The following DNAJC16 variants were observed in gnomAD, a reference collection of about 807,000 sequenced individuals.
DNAJC16 encodes the protein DnaJ heat shock protein family (Hsp40) member C16.
A neutral mutation model predicts 92.7 loss-of-function variants in DNAJC16; 76 were observed. The ratio of observed to expected loss-of-function variants is 0.82; its 90% confidence interval spans 0.68 to 0.99. DNAJC16 has a LOEUF of 0.99. Ranked by LOEUF, DNAJC16 falls within the 50% of genes least tolerant of loss-of-function variation. The pLI is 0.00. For synonymous variants in DNAJC16, 328 were observed against 358.7 expected (o/e 0.91, Z 0.97); for missense variants, 869 against 942.4 (o/e 0.92, Z 1.02).
intron 2 of DNAJC16, among the ~76,000 whole-genome samples, chr1:15,530,735 T>C (rs1710636206): frequency 6.6e-6 from 1 of 152,226 alleles, no homozygotes; most frequent in Non-Finnish European, 1.5e-5. Context: ...TCACGCAGGC[T>C]GGAATGCAGT....
chr1:15,555,029 A>G (rs554933146), intron 7 of DNAJC16, among the ~76,000 whole-genome samples: 6 of 141,722 alleles, frequency 4.2e-5, no homozygotes, highest in African/African-American at 1.6e-4. Context: ...ATCCTATTAA[A>G]AAGCTTTTTT....
At chr1:15,549,969 T>C (rs1638405828) in intron 7 of DNAJC16, among the ~76,000 whole-genome samples, 1 of 152,178 alleles carries the variant, frequency 6.6e-6, no homozygotes, top group South Asian at 2.1e-4. Context: ...TAGGTATGTG[T>C]ATAGGAAAAA....
Position 15,550,672 on chromosome 1 carries a change from T to C in DNAJC16, c.1023+2244T>C, listed in dbSNP as rs139225010. Among the ~76,000 whole-genome samples, 148 of 152,326 alleles carry C rather than the reference T, an allele frequency of 9.7e-4. 1 individual carries two copies. Among genetic ancestry groups the C allele is most frequent in the African/African-American group, 3.4e-3 (142 of 41,578 alleles). On this transcript the variant is annotated intron_variant, in intron 7 of 14. Coordinates refer to ENST00000375847, the MANE Select transcript of DNAJC16 (RefSeq NM_015291.4). ...CTCAAAGATCCTTCAAGAGAAAGTC[T>C]GTGAGATCATATCAAGACACGATTT...
At chr1:15,566,738 G>C (rs918643684) in intron 13 of DNAJC16, 1 of 178,666 alleles carries the variant, frequency 5.6e-6, no homozygotes. Flanking sequence ...TATAAAATTA[G>C]CTGGATGTGG....
chr1:15,549,385 TCC>T (rs2103415893), intron 7 of DNAJC16, among the ~76,000 whole-genome samples: 1 of 152,290 alleles, frequency 6.6e-6, no homozygotes, highest in East Asian at 1.9e-4. Context: ...GTGGTTGAAG[TCC>T]TGAGTAGGGT....
intron 4 of DNAJC16, 104 bp from the exon 5 acceptor site, chr1:15,544,295 T>C (rs769497547): frequency 5.5e-4 from 629 of 1,145,284 alleles, no homozygotes; most frequent in Non-Finnish European, 7.0e-4. Context: ...AGACATCTCC[T>C]ATGAGGTCGG....
chr1:15,546,592 A>G (rs1018955570), intron 5 of DNAJC16, among the ~76,000 whole-genome samples, 175 bp from the exon 6 acceptor site: 2 of 152,236 alleles, frequency 1.3e-5, no homozygotes, highest in Non-Finnish European at 2.9e-5. Flanking sequence ...TATGAAATCA[A>G]TATCACCATT....
intron 5 of DNAJC16, among the ~76,000 whole-genome samples, chr1:15,545,919 A>G (rs1638291863): frequency 6.6e-6 from 1 of 152,246 alleles, no homozygotes. Flanking sequence ...TTAAGATATC[A>G]GTGGAGGAAA....
rs534766733 is a variant in DNAJC16, at chr1:15,568,709, T to G, written c.*532T>G. 36 of 398,986 alleles carry G rather than the reference T, an allele frequency of 9.0e-5. No homozygotes were observed. The highest frequency in any genetic ancestry group is 1.4e-4 in the Non-Finnish European group (31 of 226,446). 24.7% of individuals were successfully genotyped at this position (398,986 alleles called of 1,614,324 possible). On this transcript the variant is annotated 3_prime_UTR_variant, in exon 15 of 15. Transcript: ENST00000375847. ...TCCAAGCAATCTCACGTTTACTGGTTGTTCTGGGAGTAAGTGGCTAAATGT... is the reference window on the plus strand; with the variant it reads ...TCCAAGCAATCTCACGTTTACTGGTGGTTCTGGGAGTAAGTGGCTAAATGT...
At chr1:15,543,908 G>C (rs1036961089) in intron 4 of DNAJC16, among the ~76,000 whole-genome samples, 2 of 152,146 alleles carry the variant, frequency 1.3e-5, no homozygotes, top group African/African-American at 4.8e-5. Flanking sequence ...TGGCAAAGAC[G>C]TGGGTAGGAC....
rs1229319249 is a variant in DNAJC16 at position 15,570,104 on chromosome 1, C to T, written c.*1927C>T. 1 of 152,616 alleles carries T rather than the reference C, an allele frequency of 6.6e-6. No individual in the cohort carries two copies. The highest frequency in any genetic ancestry group is 1.5e-5 in the Non-Finnish European group (1 of 68,036). 9.5% of individuals were successfully genotyped at this position (152,616 alleles called of 1,614,324 possible). ...TGTAGCTTTATTAAAAAATAAATCA[C>T]TGCCAGGCTTCATTCTTCCATATGA... On this transcript the variant is annotated 3_prime_UTR_variant, in exon 15 of 15. Coordinates refer to ENST00000375847, the MANE Select transcript of DNAJC16 (RefSeq NM_015291.4).
At chr1:15,563,883 C>A in intron 9 of DNAJC16, 46 bp from the exon 10 acceptor site, 1 of 1,516,008 alleles carries the variant, frequency 6.6e-7, no homozygotes, top group Non-Finnish European at 9.0e-7. Context: ...TGTAACTTAA[C>A]CATGCTTTTG....
intron 2 of DNAJC16, among the ~76,000 whole-genome samples, chr1:15,533,885 G>T (rs1710718761): frequency 6.6e-6 from 1 of 152,188 alleles, no homozygotes; most frequent in African/African-American, 2.4e-5. Context: ...CCTAGGAGAA[G>T]ACATGGGTTC....
rs150099658 is a variant in DNAJC16 at position 15,567,933 on chromosome 1, A to G, written c.2105A>G (p.Asn702Ser). 2.6e-5 allele frequency: 42 copies of G among 1,614,112 alleles called. No individual in the cohort carries two copies. The highest frequency in any genetic ancestry group is 3.6e-5 in the Non-Finnish European group (42 of 1,180,042). The change falls in exon 15 of 15, where the codon AAT becomes AGT. Residue 702 changes from asparagine (N) to serine (S), a missense_variant. By Grantham distance (46) the Asn-to-Ser change is conservative (BLOSUM62 1). Coordinates refer to ENST00000375847, the MANE Select transcript of DNAJC16 (RefSeq NM_015291.4). ...TACACTGGTTATGTACTGGCTCTGA[A>G]TGGCCACAAGAAATACTTCTGCCTC... ...RDYTGYVLALNGHKKYFCLFK... is the reference protein window; with the variant it reads ...RDYTGYVLALSGHKKYFCLFK...
chr1:15,529,539 A>C (rs901945919), intron 2 of DNAJC16, among the ~76,000 whole-genome samples: 1 of 152,232 alleles, frequency 6.6e-6, no homozygotes, highest in African/African-American at 2.4e-5. Context: ...TTAATGTTAA[A>C]GTAACAAGTT....
At position 15,546,004 on chromosome 1, in the gene DNAJC16, C is replaced by T. The variant is rs533856495; in HGVS notation, c.760-763C>T. 5.9e-5 allele frequency among the ~76,000 whole-genome samples: 9 copies of T among 152,098 alleles called. No individual in the cohort carries two copies. The South Asian group carries it at 8.3e-4, about 14-fold the overall frequency. ...TGGACCAGCTTATTTTTATTTACGC[C>T]GTTTAAAAAGAGCAAGCTGGCCTGG... is the stretch of plus-strand genomic sequence containing the variant. On this transcript the variant is annotated intron_variant, in intron 5 of 14. Transcript: ENST00000375847.
At chr1:15,556,125 CTTT>C (rs35148374) in intron 7 of DNAJC16, among the ~76,000 whole-genome samples, 1,655 of 130,552 alleles carry the variant, frequency 0.013, 36 homozygotes, top group African/African-American at 0.042. Flanking sequence ...GAGACTTTAT[CTTT>C]TTTTTTTTTT....
chr1:15,532,796 C>T (rs1373224092), intron 2 of DNAJC16, among the ~76,000 whole-genome samples: 1 of 151,668 alleles, frequency 6.6e-6, no homozygotes, highest in East Asian at 1.9e-4. Context: ...GATTTTTTTC[C>T]CCCACTAATA....
chr1:15,567,207 G>A lies in DNAJC16; in HGVS notation c.1887G>A (p.Leu629=), dbSNP rs149992763. The A allele has an allele frequency of 1.7e-5, 28 of 1,614,060 alleles. No individual in the cohort carries two copies. The highest frequency in any genetic ancestry group is 2.3e-5 in the Non-Finnish European group (27 of 1,180,022). Residue 629 remains leucine, a synonymous_variant, in exon 14 of 15, where the codon CTG becomes CTA. Coordinates refer to ENST00000375847, the MANE Select transcript of DNAJC16 (RefSeq NM_015291.4). ...RPGHMNVVLI[L]SNSTKTSLLQ... ...GCCACATGAATGTGGTCCTCATCCT[G>A]TCGAATTCTACCAAGACCAGCCTAC...
Sources: allele counts gnomAD v4.1 joint callset (sites outside exome capture counted in the v4.1 genomes callset), GRCh38; gene constraint gnomAD v4.1.1; transcripts MANE v1.5; gene names NCBI Gene and HGNC (gene_info 2026-07-23, HGNC 2026-07-21).